Variants in MYO1E observed in about 807,000 individuals in gnomAD.
MYO1E encodes the protein myosin IE.
MYO1E carries 68 observed loss-of-function variants against 151.1 expected under a neutral mutation model. The ratio of observed to expected loss-of-function variants is 0.45; its 90% CI spans 0.37 to 0.55. The LOEUF (loss-of-function observed/expected upper bound fraction) is 0.55. Ranked by LOEUF, MYO1E falls within the 20% of genes least tolerant of loss-of-function variation. The pLI, the probability that MYO1E is intolerant of heterozygous loss-of-function variation, is 0.00. For missense variants in MYO1E, 1,363 were observed against 1,389.3 expected, an observed-to-expected ratio of 0.98 and a Z score of 0.30; for synonymous variants, 601 against 501.7, an observed-to-expected ratio of 1.20 and a Z score of -2.64.
At chr15:59,356,878 A>G (rs2080855944) in intron 1 of MYO1E, among the ~76,000 whole-genome samples, 1 of 132,672 alleles carries the variant, frequency 7.5e-6, no homozygotes, top group South Asian at 2.6e-4. Flanking sequence ...CCTCCTGTTA[A>G]GTTTTTTTTT....
intron 1 of MYO1E, among the ~76,000 whole-genome samples, chr15:59,357,416 A>G (rs1050112008): frequency 2.0e-5 from 3 of 150,678 alleles, no homozygotes; most frequent in African/African-American, 7.4e-5. Context: ...GATTTTGAAG[A>G]AGGAGATAAC....
chr15:59,191,183 T>C (rs750729431), intron 17 of MYO1E, among the ~76,000 whole-genome samples: 2 of 152,014 alleles, frequency 1.3e-5, no homozygotes, highest in African/African-American at 4.8e-5. Context: ...AAGCCGGGCA[T>C]AGTGGCTCAC....
At chr15:59,235,378 C>T (rs2080056243) in intron 5 of MYO1E, among the ~76,000 whole-genome samples, 1 of 152,168 alleles carries the variant, frequency 6.6e-6, no homozygotes, top group Non-Finnish European at 1.5e-5. Flanking sequence ...CATACCCAAA[C>T]AAATACAAAT....
intron 4 of MYO1E, among the ~76,000 whole-genome samples, chr15:59,241,193 G>A (rs1487224446): frequency 6.6e-6 from 1 of 152,216 alleles, no homozygotes; most frequent in Non-Finnish European, 1.5e-5. Context: ...CAAAAATTCT[G>A]TGGGGTACAC....
At chr15:59,180,237 G>A (rs1163811480) in intron 18 of MYO1E, among the ~76,000 whole-genome samples, 2 of 152,190 alleles carry the variant, frequency 1.3e-5, no homozygotes, top group African/African-American at 4.8e-5. Context: ...ATGTTATAAG[G>A]ATGTTAATTA....
rs772508612 is a variant in MYO1E, at chr15:59,224,782, G to T, written c.684C>A (p.Gly228=). 6.2e-7 allele frequency: 1 copy of T among 1,614,204 alleles called. No individual in the cohort carries two copies. Among genetic ancestry groups the T allele is most frequent in the Non-Finnish European group, 8.5e-7 (1 of 1,180,028 alleles). ...GASAEQKHSL[G]ITSMDYYYYL... is the part of the protein sequence containing the mutation. ...AGTAATAATAGTCCATGCTGGTGAT[G>T]CCAAGGCTGTGTTTCTGCTCTGCAG... The change falls in exon 8 of 28, where the codon GGC becomes GGA. Residue 228 remains glycine, a synonymous_variant. Coordinates refer to ENST00000288235, the MANE Select transcript of MYO1E (RefSeq NM_004998.4).
Position 59,205,474 on chromosome 15 carries a change from G to A in MYO1E, c.1542C>T (p.Asp514=), listed in dbSNP as rs369822257. ...IHHYAGKVSY[D]MDGFCERNRD... is the part of the protein sequence containing the mutation. ...GGTTCCTTTCACAAAAGCCATCCAT[G>A]TCATAGGATACCTGGCCAAGAATGG... The change falls in exon 15 of 28, where the codon GAC becomes GAT. Residue 514 remains aspartate, a synonymous_variant. Transcript: ENST00000288235. 6 of 1,613,738 alleles carry A rather than the reference G, an allele frequency of 3.7e-6. No individual in the cohort carries two copies. In the African/African-American group the frequency reaches 8.0e-5, roughly 22 times the overall value.
rs192615430 is a variant in MYO1E, at chr15:59,307,943, G to A, written c.4-35494C>T. On this transcript the variant is annotated intron_variant, in intron 1 of 27. Coordinates refer to ENST00000288235, the MANE Select transcript of MYO1E (RefSeq NM_004998.4). ...TTTAAAACAAATCCTTGGGGCTGGC[G>A]CGGTGGCTCACGCCTGTAATCCCAG... 2.2e-3 allele frequency among the ~76,000 whole-genome samples: 333 copies of A among 150,738 alleles called. 1 individual carries two copies. Among genetic ancestry groups the A allele is most frequent in the African/African-American group, 7.4e-3 (304 of 41,340 alleles).
In MYO1E at chr15:59,272,357, C is replaced by T; in HGVS notation, c.96G>A (p.Glu32=). 1 of 1,614,102 alleles carries T rather than the reference C, an allele frequency of 6.2e-7. No individual in the cohort carries two copies. The highest frequency in any genetic ancestry group is 1.1e-5 in the South Asian group (1 of 91,076). The change falls in exon 2 of 28, where the codon GAG becomes GAA. Residue 32 remains glutamate, a synonymous_variant. Transcript: ENST00000288235. ...TCTTCAGATTCTCCACGATGGAGTTCTCTGTGATCTTGGACAGTAGCACCA... is the reference window on the plus strand; with the variant it reads ...TCTTCAGATTCTCCACGATGGAGTTTTCTGTGATCTTGGACAGTAGCACCA... ...DDMVLLSKIT[E]NSIVENLKKR...
At chr15:59,367,705 T>G (rs771368416) in intron 1 of MYO1E, among the ~76,000 whole-genome samples, 1 of 152,086 alleles carries the variant, frequency 6.6e-6, no homozygotes, top group African/African-American at 2.4e-5. Context: ...TCCTGGTGAG[T>G]GAATGAGAAG....
rs146722975 is a variant in MYO1E, at chr15:59,153,567, T to A, written c.3080+23A>T. 2,468 of 1,612,050 alleles carry A rather than the reference T, an allele frequency of 1.5e-3. 41 individuals carry two copies. In the African/African-American group the frequency reaches 0.03, roughly 19 times the overall value. On this transcript the variant is annotated intron_variant, in intron 26 of 27. Transcript: ENST00000288235. Reference sequence around the variant, plus strand: ...ATGGAGATGGAGCTTGCCGGCTTCATCCAGAGGATGTGAGAATCTTACCCT... The same window carrying A: ...ATGGAGATGGAGCTTGCCGGCTTCAACCAGAGGATGTGAGAATCTTACCCT...
intron 1 of MYO1E, among the ~76,000 whole-genome samples, chr15:59,292,891 A>G (rs2080428079): frequency 6.6e-6 from 1 of 152,224 alleles, no homozygotes; most frequent in Non-Finnish European, 1.5e-5. Context: ...CTTGTTGTAT[A>G]AAGTCTCAGG....
At chr15:59,180,547 T>C (rs922040012) in intron 18 of MYO1E, among the ~76,000 whole-genome samples, 6 of 151,698 alleles carry the variant, frequency 4.0e-5, no homozygotes, top group African/African-American at 1.5e-4. Flanking sequence ...CGTTTCTCTT[T>C]TTTTTTTTTT....
At chr15:59,260,904 C>A (rs563137246) in intron 3 of MYO1E, among the ~76,000 whole-genome samples, 9 of 152,072 alleles carry the variant, frequency 5.9e-5, no homozygotes, top group Non-Finnish European at 1.3e-4. Flanking sequence ...TTAGACAGTC[C>A]TAAGCTTTTT....
chr15:59,152,348 T>C (rs545655387), intron 26 of MYO1E, among the ~76,000 whole-genome samples: 103 of 152,276 alleles, frequency 6.8e-4, no homozygotes, highest in African/African-American at 2.2e-3. Flanking sequence ...TGATCCTCAT[T>C]TGAAACTTCT....
intron 4 of MYO1E, among the ~76,000 whole-genome samples, chr15:59,253,791 A>G (rs927650945): frequency 4.6e-5 from 7 of 152,118 alleles, no homozygotes; most frequent in African/African-American, 7.2e-5. Context: ...GTTTTTAGAT[A>G]TAACTATTAA....
intron 5 of MYO1E, among the ~76,000 whole-genome samples, chr15:59,233,029 T>C (rs2080037848): frequency 6.6e-6 from 1 of 152,180 alleles, no homozygotes; most frequent in Admixed American, 6.5e-5. Context: ...GCCTACTCTC[T>C]TTTAAAAACT....
chr15:59,180,440 T>C (rs1438593168), intron 18 of MYO1E, among the ~76,000 whole-genome samples: 1 of 152,212 alleles, frequency 6.6e-6, no homozygotes, highest in African/African-American at 2.4e-5. Context: ...TTGCTTGGCT[T>C]GATCTAACCT....
At chr15:59,364,262 C>G (rs2080900927) in intron 1 of MYO1E, among the ~76,000 whole-genome samples, 1 of 152,160 alleles carries the variant, frequency 6.6e-6, no homozygotes, top group African/African-American at 2.4e-5. Context: ...ACGCCAGAAT[C>G]CAGGGGGAGC....
Sources: gnomAD v4.1 joint callset for allele counts (sites outside exome capture counted in the v4.1 genomes callset) on GRCh38, gnomAD v4.1.1 for gene constraint, MANE v1.5 for transcripts, NCBI Gene and HGNC (gene_info 2026-07-23, HGNC 2026-07-21) for gene names.